Variants in PRIM2 observed in about 807,000 individuals in gnomAD.
PRIM2 encodes DNA primase subunit 2.
In PRIM2, 39 loss-of-function variants were observed where a neutral mutation model predicts 67.3. The ratio of observed to expected loss-of-function variants is 0.58; its 90% CI spans 0.45 to 0.76. The LOEUF (loss-of-function observed/expected upper bound fraction) is 0.76, where lower values mean the gene tolerates loss of function less well. PRIM2 is among the 30% of genes least tolerant of loss of function. The pLI is 0.00. For synonymous variants in PRIM2, 143 were observed against 198.7 expected (o/e 0.72, Z 2.36); for missense variants, 398 against 598.7 (o/e 0.66, Z 3.50).
At chr6:57,370,791 T>G (rs1233769275) in intron 5 of PRIM2, among the ~76,000 whole-genome samples, 1 of 148,690 alleles carries the variant, frequency 6.7e-6, no homozygotes, top group African/African-American at 2.5e-5. Context: ...GCCTGCCTCC[T>G]AGGTTCAAGC....
the PRIM2 span, among the ~76,000 whole-genome samples, chr6:57,279,470 C>G: frequency 6.7e-6 from 1 of 150,294 alleles, no homozygotes; most frequent in Non-Finnish European, 1.5e-5. Context: ...ATGCAGTGTC[C>G]CTGGGAGAAT....
intron 5 of PRIM2, among the ~76,000 whole-genome samples, chr6:57,373,757 G>GGCATGCA (rs1018059488): frequency 6.6e-6 from 1 of 152,064 alleles, no homozygotes; most frequent in African/African-American, 2.4e-5. Flanking sequence ...AAGTGTTGTA[G>GGCATGCA]GCATGCAGTC....
intron 5 of PRIM2, among the ~76,000 whole-genome samples, chr6:57,335,999 C>A (rs1372306274): frequency 2.0e-5 from 3 of 151,718 alleles, no homozygotes; most frequent in Non-Finnish European, 2.9e-5. Context: ...ATAACCAATA[C>A]AGAGAAGTGC....
chr6:57,487,525 G>A (rs1773782503), intron 7 of PRIM2, among the ~76,000 whole-genome samples: 1 of 152,182 alleles, frequency 6.6e-6, no homozygotes, highest in Non-Finnish European at 1.5e-5. Flanking sequence ...CACTGCCCCT[G>A]GCCTGATCAA....
At chr6:57,520,214 T>G (rs1554348758) in intron 8 of PRIM2, among the ~76,000 whole-genome samples, 59,522 of 152,042 alleles carry the variant, frequency 0.39, 11,914 homozygotes, top group East Asian at 0.65. Flanking sequence ...GGAACAAATG[T>G]GAGGGGATAA....
At chr6:57,434,081 TGC>T (rs1187364587) in intron 7 of PRIM2, among the ~76,000 whole-genome samples, 1 of 151,992 alleles carries the variant, frequency 6.6e-6, no homozygotes, top group Non-Finnish European at 1.5e-5. Flanking sequence ...TGCGCCACCA[TGC>T]CCAACTAATT....
the PRIM2 span, among the ~76,000 whole-genome samples, chr6:57,255,163 C>G: frequency 6.6e-6 from 1 of 152,084 alleles, no homozygotes; most frequent in Non-Finnish European, 1.5e-5. Flanking sequence ...GGCTTCTAGG[C>G]CTTCTCCATA....
intron 8 of PRIM2, among the ~76,000 whole-genome samples, chr6:57,516,778 AC>A (rs1774497617): frequency 1.3e-5 from 2 of 152,196 alleles, no homozygotes; most frequent in African/African-American, 4.8e-5. Context: ...AGGAACTCTT[AC>A]TGGTTGCCTC....
intron 10 of PRIM2, among the ~76,000 whole-genome samples, chr6:57,559,487 A>G (rs1268381956): frequency 6.6e-6 from 1 of 152,196 alleles, no homozygotes; most frequent in Non-Finnish European, 1.5e-5. Context: ...GTTCCATCTG[A>G]CTGATTTCAC....
rs1401810575 is a variant in PRIM2 at position 57,561,959 on chromosome 6, A to T, written c.1020+24334A>T. Among the ~76,000 whole-genome samples, 34 of 152,210 alleles carry T rather than the reference A, an allele frequency of 2.2e-4. 1 individual carries two copies. The East Asian group carries it at 6.4e-3, about 29-fold the overall frequency. Reference sequence around the variant, plus strand: ...TTTTTTTCACTTGGTCAGAGTCCTTATTAATTGGCCTGATTTCAATATTTT... The same window carrying T: ...TTTTTTTCACTTGGTCAGAGTCCTTTTTAATTGGCCTGATTTCAATATTTT... On this transcript the variant is annotated intron_variant, in intron 10 of 13. Coordinates refer to ENST00000615550, the MANE Select transcript of PRIM2 (RefSeq NM_000947.5).
intron 8 of PRIM2, among the ~76,000 whole-genome samples, chr6:57,511,845 G>A (rs2127461031): frequency 6.6e-6 from 1 of 152,310 alleles, no homozygotes; most frequent in East Asian, 1.9e-4. Context: ...CTATGTGGGG[G>A]ATGTTTAGTG....
At chr6:57,644,376 C>G (rs1210898107) in intron 13 of PRIM2, among the ~76,000 whole-genome samples, 1 of 152,176 alleles carries the variant, frequency 6.6e-6, no homozygotes, top group African/African-American at 2.4e-5. Context: ...TCTTACAAAG[C>G]CTTCCTTGAT....
At chr6:57,443,370 G>A (rs1454522393) in intron 7 of PRIM2, among the ~76,000 whole-genome samples, 1 of 152,138 alleles carries the variant, frequency 6.6e-6, no homozygotes, top group African/African-American at 2.4e-5. Flanking sequence ...CCTGCCAACG[G>A]TTTACAAGTG....
intron 7 of PRIM2, among the ~76,000 whole-genome samples, chr6:57,411,143 C>T (rs1401764746): frequency 4.6e-5 from 7 of 151,962 alleles, no homozygotes; most frequent in Non-Finnish European, 7.4e-5. Context: ...AACTCTCTCT[C>T]TCTTGCTCCT....
At chr6:57,441,030 G>A (rs1408845354) in intron 7 of PRIM2, among the ~76,000 whole-genome samples, 2 of 152,058 alleles carry the variant, frequency 1.3e-5, no homozygotes, top group Non-Finnish European at 2.9e-5. Flanking sequence ...TGAACTATAG[G>A]TTACTATTTA....
rs985542915 is a variant in PRIM2 at position 57,335,564 on chromosome 6, G to A, written c.459+9519G>A. 3.9e-3 allele frequency among the ~76,000 whole-genome samples: 596 copies of A among 152,134 alleles called. 3 individuals carry two copies. The highest frequency in any genetic ancestry group is 0.014 in the African/African-American group (573 of 41,506). On this transcript the variant is annotated intron_variant, in intron 5 of 13. Coordinates refer to ENST00000615550, the MANE Select transcript of PRIM2 (RefSeq NM_000947.5). ...AGTGGGTCCCTGACCCCTGACCCCC[G>A]AGCAGCCTAACTGGGAGGCACCCCC... is the stretch of plus-strand genomic sequence containing the variant.
intron 5 of PRIM2, among the ~76,000 whole-genome samples, chr6:57,362,851 C>T (rs1470147309): frequency 6.6e-6 from 1 of 151,980 alleles, no homozygotes; most frequent in African/African-American, 2.4e-5. Flanking sequence ...AGGCATTCTG[C>T]CAATTAACTG....
the PRIM2 span, among the ~76,000 whole-genome samples, chr6:57,238,800 A>G: frequency 1.3e-5 from 2 of 152,128 alleles, no homozygotes; most frequent in African/African-American, 4.8e-5. Flanking sequence ...AGATCAACAA[A>G]ATTGAGAGAC....
chr6:57,321,706 G>A (rs1767663999), intron 3 of PRIM2, among the ~76,000 whole-genome samples: 1 of 152,150 alleles, frequency 6.6e-6, no homozygotes, highest in Non-Finnish European at 1.5e-5. Flanking sequence ...TATATTAATA[G>A]TATGTTTGCT....
Sources: allele counts gnomAD v4.1 joint callset (sites outside exome capture counted in the v4.1 genomes callset), GRCh38; gene constraint gnomAD v4.1.1; transcripts MANE v1.5; gene names NCBI Gene and HGNC (gene_info 2026-07-23, HGNC 2026-07-21).